Variants in FXYD2 observed in about 807,000 individuals in gnomAD.
FXYD2 encodes the protein FXYD domain containing ion transport regulator 2.
Under a neutral mutation model 11.8 loss-of-function variants are expected in FXYD2, and 8 were observed. The observed-to-expected ratio is 0.68, with a 90% CI of 0.40 to 1.22. The LOEUF is 1.22. Among genes scored for constraint, FXYD2 ranks in the 50% most tolerant of loss-of-function variants. The probability of loss-of-function intolerance (pLI) is 0.01; values close to 1 mark genes in which losing one functional copy is unlikely to be tolerated. For missense variants in FXYD2, 92 were observed against 91.8 expected (o/e 1.00, Z -0.01); for synonymous variants, 42 against 33.3 (o/e 1.26, Z -0.90).
rs1248917416 is a variant in FXYD2 at position 117,820,145 on chromosome 11, G to A, written c.*234C>T. 6.4e-6 allele frequency: 1 copy of A among 155,944 alleles called. No individual in the cohort carries two copies. The highest frequency in any genetic ancestry group is 2.4e-5 in the African/African-American group (1 of 41,534). The allele number at this position is 155,944 out of a possible 1,614,324, so 9.7% of individuals were successfully genotyped here. On this transcript the variant is annotated 3_prime_UTR_variant, in exon 6 of 6. Transcript: ENST00000292079. ...AGGAGGGAGACAGGCAGGCAGGTGAGGGAAGCAGCGGTCTCTGACGCCGGC... is the reference window on the plus strand; with the variant it reads ...AGGAGGGAGACAGGCAGGCAGGTGAAGGAAGCAGCGGTCTCTGACGCCGGC...
intron 1 of FXYD2, among the ~76,000 whole-genome samples, chr11:117,823,304 A>T (rs1855937648): frequency 6.6e-6 from 1 of 152,176 alleles, no homozygotes; most frequent in South Asian, 2.1e-4. Flanking sequence ...GGCAAAAACT[A>T]ACAAACCCTA....
chr11:117,822,590 C>T lies in FXYD2; in HGVS notation c.64+89G>A. 1.3e-6 allele frequency: 2 copies of T among 1,572,522 alleles called. No homozygotes were observed. The highest frequency in any genetic ancestry group is 1.7e-6 in the Non-Finnish European group (2 of 1,159,066). On this transcript the variant is annotated intron_variant, in intron 2 of 5. Transcript: ENST00000292079. This position sits in a 1 kb window ranked among gnomAD's most constrained non-coding sequence, Gnocchi z 4.7. ...TGGTAACCAGGGGAGATAAGGGGCA[C>T]AGAGCATGGACCTGGGGCTGGGAGA...
chr11:117,822,186 C>T lies in FXYD2; in HGVS notation c.139+220G>A, dbSNP rs540367145. 1.9e-4 allele frequency: 280 copies of T among 1,442,000 alleles called. No individual in the cohort carries two copies. The highest frequency in any genetic ancestry group is 2.2e-4 in the Non-Finnish European group (246 of 1,097,342). The allele number at this position is 1,442,000 out of a possible 1,614,324, so 89.3% of individuals were successfully genotyped here. On this transcript the variant is annotated intron_variant, in intron 3 of 5. Transcript: ENST00000292079. The surrounding 1 kb of genome is among the most constrained non-coding windows in gnomAD (Gnocchi z 4.7). ...TTGCTCTCACTTCTGCGGCTCCTCC[C>T]GGGCCCACTGGAGGGTGCACTTGAG... is the stretch of plus-strand genomic sequence containing the variant.
At chr11:117,827,960 G>A (rs1428260804), upstream of FXYD2, 1 of 1,387,718 alleles carries the variant, frequency 7.2e-7, no homozygotes, top group South Asian at 1.2e-5. Context: ...GTTAGAGCCT[G>A]AGCAGGGAGG....
In FXYD2 at chr11:117,822,285, G is replaced by T. The variant is rs1252191496; in HGVS notation, c.139+121C>A. On this transcript the variant is annotated intron_variant, in intron 3 of 5. Transcript: ENST00000292079. This position sits in a 1 kb window ranked among gnomAD's most constrained non-coding sequence, Gnocchi z 4.7. ...GGCACCCATTCCCACATCCTGCAGT[G>T]GGGGGCGTGGTGGGGAGGCTCACCC... 4.5e-6 allele frequency: 7 copies of T among 1,541,748 alleles called. No homozygotes were observed. In the Admixed American group the frequency reaches 1.2e-4, roughly 26 times the overall value.
At chr11:117,821,676 G>A (rs2055908217) in intron 3 of FXYD2, 1 of 959,800 alleles carries the variant, frequency 1.0e-6, no homozygotes, top group Non-Finnish European at 1.2e-6. Context: ...CAGGACTGTG[G>A]CCCGAGCCTT....
chr11:117,827,976 T>C (rs1384022049), upstream of FXYD2: 2 of 1,480,648 alleles, frequency 1.4e-6, no homozygotes, highest in East Asian at 2.5e-5. Context: ...GGAGGAGGAA[T>C]GGGGCTCAGA....
rs748340168 is a variant in FXYD2, at chr11:117,820,381, A to G, written c.*7-9T>C. On this transcript the variant is annotated splice_polypyrimidine_tract_variant and intron_variant, in intron 5 of 5. Coordinates refer to ENST00000292079, the MANE Select transcript of FXYD2 (RefSeq NM_001680.5). ...GGGTGGCACCGCCGAGGCTGAGAAG[A>G]CAAAGGCAGGATGGGGTTGGGTGGG... The G allele has an allele frequency of 3.9e-6, 2 of 517,324 alleles. No homozygotes were observed. The highest frequency in any genetic ancestry group is 6.8e-6 in the Non-Finnish European group (2 of 292,166). 32.0% of individuals were successfully genotyped at this position (517,324 alleles called of 1,614,324 possible).
rs562152886 is a variant in FXYD2 at position 117,824,249 on chromosome 11, G to A, written c.25+405C>T. ...TTGGAGAGTGTGACTTGAACTTGGCGGGCTCTCACCCCAAATCCAGCCTAG... is the reference window on the plus strand; with the variant it reads ...TTGGAGAGTGTGACTTGAACTTGGCAGGCTCTCACCCCAAATCCAGCCTAG... On this transcript the variant is annotated intron_variant, in intron 1 of 5. Transcript: ENST00000292079. This position sits in a 1 kb window ranked among gnomAD's most constrained non-coding sequence, Gnocchi z 4.0. 1.7e-3 allele frequency: 508 copies of A among 304,646 alleles called. 1 individual carries two copies. The highest frequency in any genetic ancestry group is 2.9e-3 in the South Asian group (72 of 24,646). 18.9% of individuals were successfully genotyped at this position (304,646 alleles called of 1,614,324 possible).
At chr11:117,820,561 G>A (rs768330106) in intron 5 of FXYD2, 105 bp downstream of exon 5, 36 of 1,439,146 alleles carry the variant, frequency 2.5e-5, no homozygotes, top group Non-Finnish European at 3.3e-5. Context: ...ATGTGTGGAC[G>A]ACCCTAAAAT....
At chr11:117,820,626 C>T in intron 5 of FXYD2, 40 bp downstream of exon 5, 4 of 1,613,034 alleles carry the variant, frequency 2.5e-6, no homozygotes, top group Non-Finnish European at 3.4e-6. Flanking sequence ...CCAAGCCTGC[C>T]CTGCCCTCCC....
chr11:117,821,255 C>T, intron 3 of FXYD2: 1 of 730,140 alleles, frequency 1.4e-6, no homozygotes, highest in Non-Finnish European at 1.7e-6. Flanking sequence ...TAGATCGGGT[C>T]TCACTGTATT....
Position 117,822,792 on chromosome 11 carries a change from G to T in FXYD2, c.26-75C>A. On this transcript the variant is annotated intron_variant, in intron 1 of 5. Coordinates refer to ENST00000292079, the MANE Select transcript of FXYD2 (RefSeq NM_001680.5). The surrounding 1 kb of genome is among the most constrained non-coding windows in gnomAD (Gnocchi z 4.7). The stretch of plus-strand genomic sequence containing the variant: ...GCCACAGGAACAGCTGGAATTCCCT[G>T]TCCTTCCCTTCCCAGAGGACCCTCG... 1 of 1,568,846 alleles carries T rather than the reference G, an allele frequency of 6.4e-7. No homozygotes were observed. The highest frequency in any genetic ancestry group is 1.2e-5 in the South Asian group (1 of 86,054).
At chr11:117,827,097 T>G (rs374103843), upstream of FXYD2, among the ~76,000 whole-genome samples, 4 of 99,212 alleles carry the variant, frequency 4.0e-5, no homozygotes, top group Admixed American at 1.0e-4. Flanking sequence ...GATAGATAGA[T>G]AGATAGATAG....
rs951447976 is a variant in FXYD2, at chr11:117,820,570, A to C, written c.*6+96T>G. The C allele has an allele frequency of 5.2e-6, 8 of 1,524,250 alleles. No individual in the cohort carries two copies. The African/African-American group carries it at 1.1e-4, about 21-fold the overall frequency. The allele number at this position is 1,524,250 out of a possible 1,614,324, so 94.4% of individuals were successfully genotyped here. On this transcript the variant is annotated intron_variant, in intron 5 of 5. Transcript: ENST00000292079. ...TGGCTGATGTGTGGACGACCCTAAA[A>C]TTCTTATTTACCGAGTCCAGGAGCC...
chr11:117,826,872 C>A (rs756049095), upstream of FXYD2, among the ~76,000 whole-genome samples: 13 of 151,798 alleles, frequency 8.6e-5, 1 homozygote, highest in Non-Finnish European at 1.6e-4. Flanking sequence ...TTTCCCCACC[C>A]AAATGGACTG....
In FXYD2 at chr11:117,822,683, G is replaced by C; in HGVS notation, c.60C>G (p.Tyr20Ter). Reference sequence around the variant, plus strand: ...TGCGCAGGGGCCCAGGCTTACCATAGTAGAACGGGTCCACGTCCCCCTTGG... The same window carrying C: ...TGCGCAGGGGCCCAGGCTTACCATACTAGAACGGGTCCACGTCCCCCTTGG... Reference protein sequence around the residue: ...GSPKGDVDPFYYDYETVRNGG... With the variant: ...GSPKGDVDPF The change falls in exon 2 of 6, where the codon TAC becomes TAG. Residue 20 changes from tyrosine (Y) to a stop codon, truncating the protein, a stop_gained. Transcript: ENST00000292079. LOFTEE classifies it high-confidence loss of function. The surrounding 1 kb of genome is among the most constrained non-coding windows in gnomAD (Gnocchi z 4.7). 1 of 1,610,658 alleles carries C rather than the reference G, an allele frequency of 6.2e-7. No homozygotes were observed. Among genetic ancestry groups the C allele is most frequent in the Non-Finnish European group, 8.5e-7 (1 of 1,179,184 alleles).
rs945354321 is a variant in FXYD2 at position 117,824,300 on chromosome 11, C to T, written c.25+354G>A. On this transcript the variant is annotated intron_variant, in intron 1 of 5. Transcript: ENST00000292079. The surrounding 1 kb of genome is among the most constrained non-coding windows in gnomAD (Gnocchi z 4.0). ...GAAGGCTGACCAGAGGGGCCTGCTC[C>T]TTCCCCAGCCAGATGGACGCCGTCT... The T allele has an allele frequency of 1.9e-5, 8 of 428,166 alleles. No homozygotes were observed. Among genetic ancestry groups the T allele is most frequent in the Middle Eastern group, 6.8e-4 (1 of 1,464 alleles). 26.5% of individuals were successfully genotyped at this position (428,166 alleles called of 1,614,324 possible). A position where few individuals can be genotyped will look rare whatever the true frequency, so the allele number is the denominator to read the frequency against.
chr11:117,820,908 A>C lies in FXYD2; in HGVS notation c.140-13T>G. On this transcript the variant is annotated splice_polypyrimidine_tract_variant and intron_variant, in intron 3 of 5. Coordinates refer to ENST00000292079, the MANE Select transcript of FXYD2 (RefSeq NM_001680.5). The stretch of plus-strand genomic sequence containing the variant: ...CGGAATCTTCTGCCTTGAAAAGAGA[A>C]AAGGAGATTTGTTTCCATGGACTAA... The C allele has an allele frequency of 1.2e-6, 2 of 1,613,994 alleles. No individual in the cohort carries two copies. Among genetic ancestry groups the C allele is most frequent in the African/African-American group, 1.3e-5 (1 of 74,974 alleles).
Sources: allele counts gnomAD v4.1 joint callset (sites outside exome capture counted in the v4.1 genomes callset), GRCh38; gene constraint gnomAD v4.1.1; non-coding constraint Gnocchi (gnomAD v3.1); transcripts MANE v1.5; gene names NCBI Gene and HGNC (gene_info 2026-07-23, HGNC 2026-07-21).